The following PCDH9 variants were observed in gnomAD, a reference collection of about 807,000 sequenced individuals.
The protein encoded by PCDH9 is protocadherin 9, also known as protocadherin-9.
A neutral mutation model predicts 70.6 loss-of-function variants in PCDH9; 24 were observed. The ratio of observed to expected loss-of-function variants is 0.34; its 90% CI spans 0.25 to 0.48. The LOEUF is 0.48. PCDH9 is among the 20% of genes least tolerant of loss of function. PCDH9 has a pLI of 0.99. For missense variants in PCDH9, 1,281 were observed against 1,503.6 expected (o/e 0.85, Z 2.45); for synonymous variants, 562 against 558.5 (o/e 1.01, Z -0.09).
intron 2 of PCDH9, among the ~76,000 whole-genome samples, chr13:67,018,821 T>C (rs547770688): frequency 5.3e-5 from 8 of 152,238 alleles, no homozygotes; most frequent in African/African-American, 1.9e-4. Context: ...GACGATTACA[T>C]TTTCTTTCTG....
At chr13:66,524,313 G>T (rs1960123937) in intron 4 of PCDH9, among the ~76,000 whole-genome samples, 1 of 151,532 alleles carries the variant, frequency 6.6e-6, no homozygotes, top group Admixed American at 6.6e-5. Context: ...TTTCTCTTTT[G>T]TTGTTCTTTT....
At position 66,746,583 on chromosome 13, in the gene PCDH9, G is replaced by A. The variant is rs149383906; in HGVS notation, c.3139-115172C>T. Reference sequence around the variant, plus strand: ...TCTGAAAAAGTAAGTAAAAAAATCAGTTGACAGCCTTAAATACTTTGAGAA... The same window carrying A: ...TCTGAAAAAGTAAGTAAAAAAATCAATTGACAGCCTTAAATACTTTGAGAA... On this transcript the variant is annotated intron_variant, in intron 3 of 4. Transcript: ENST00000377865. Among the ~76,000 whole-genome samples the A allele has an allele frequency of 7.3e-4, 111 of 152,182 alleles. 1 individual carries two copies. Among genetic ancestry groups the A allele is most frequent in the African/African-American group, 2.6e-3 (110 of 41,546 alleles).
chr13:66,786,234 T>G (rs892938279), intron 3 of PCDH9, among the ~76,000 whole-genome samples: 3 of 152,180 alleles, frequency 2.0e-5, no homozygotes, highest in African/African-American at 7.2e-5. Context: ...TACAGCCACA[T>G]GCATCAAGGA....
At chr13:67,195,293 C>G (rs2089031743) in intron 2 of PCDH9, among the ~76,000 whole-genome samples, 1 of 151,990 alleles carries the variant, frequency 6.6e-6, no homozygotes, top group Non-Finnish European at 1.5e-5. Context: ...TACAGGCGCC[C>G]TCCACCACGC....
chr13:67,203,679 C>T (rs1462817678), intron 2 of PCDH9: 3 of 152,018 alleles, frequency 2.0e-5, no homozygotes, highest in Non-Finnish European at 4.4e-5. Context: ...AGAAGTCTAC[C>T]TCTTCCAATG....
intron 3 of PCDH9, among the ~76,000 whole-genome samples, chr13:66,652,585 TA>T (rs879799258): frequency 1.0e-3 from 149 of 145,298 alleles, no homozygotes; most frequent in South Asian, 8.5e-3. Context: ...GTTCAATCTG[TA>T]AAAAAAAAAA....
intron 3 of PCDH9, among the ~76,000 whole-genome samples, chr13:66,688,816 C>A (rs2078441560): frequency 6.6e-6 from 1 of 152,090 alleles, no homozygotes; most frequent in Non-Finnish European, 1.5e-5. Flanking sequence ...CATTTCCCTT[C>A]CGAACACCCC....
chr13:66,789,586 C>G (rs2080132245), intron 3 of PCDH9, among the ~76,000 whole-genome samples: 1 of 151,930 alleles, frequency 6.6e-6, no homozygotes, highest in Non-Finnish European at 1.5e-5. Context: ...TACTTTAAGT[C>G]TCTAAAATAG....
chr13:66,672,371 G>A (rs1205329603), intron 3 of PCDH9, among the ~76,000 whole-genome samples: 3 of 152,202 alleles, frequency 2.0e-5, no homozygotes, highest in African/African-American at 7.2e-5. Context: ...TGAGGTTTGG[G>A]AATCTCCATC....
At chr13:66,801,826 T>TA (rs1238354081) in intron 3 of PCDH9, among the ~76,000 whole-genome samples, 4 of 151,960 alleles carry the variant, frequency 2.6e-5, no homozygotes, top group Non-Finnish European at 5.9e-5. Flanking sequence ...TTTAGAACAT[T>TA]AAAAAAATCT....
At chr13:66,649,123 T>C (rs1212610855) in intron 3 of PCDH9, among the ~76,000 whole-genome samples, 2 of 152,008 alleles carry the variant, frequency 1.3e-5, no homozygotes, top group Admixed American at 6.6e-5. Flanking sequence ...GAGGTGGGGT[T>C]TGGGGGAGAA....
intron 2 of PCDH9, among the ~76,000 whole-genome samples, chr13:67,130,791 T>A (rs1042225961): frequency 1.3e-5 from 2 of 152,102 alleles, no homozygotes; most frequent in African/African-American, 2.4e-5. Context: ...CCGATACCTA[T>A]AAGTACCCCT....
chr13:66,851,164 G>A (rs1296582962), intron 3 of PCDH9, among the ~76,000 whole-genome samples: 1 of 152,114 alleles, frequency 6.6e-6, no homozygotes, highest in Non-Finnish European at 1.5e-5. Flanking sequence ...AATACATGCT[G>A]CCCTTAGACA....
At chr13:66,486,671 CTATT>C (rs1958950075) in intron 4 of PCDH9, among the ~76,000 whole-genome samples, 1 of 150,290 alleles carries the variant, frequency 6.7e-6, no homozygotes, top group South Asian at 2.1e-4. Flanking sequence ...TTGAGTTTCA[CTATT>C]TATTTGAGTT....
intron 3 of PCDH9, among the ~76,000 whole-genome samples, chr13:66,709,861 A>G (rs2078768831): frequency 6.6e-6 from 1 of 152,164 alleles, no homozygotes; most frequent in Admixed American, 6.6e-5. Context: ...TTCAAATTTG[A>G]GATCTCCCAT....
intron 4 of PCDH9, among the ~76,000 whole-genome samples, chr13:66,590,109 A>G (rs1327216571): frequency 6.6e-6 from 1 of 152,050 alleles, no homozygotes; most frequent in African/African-American, 2.4e-5. Context: ...AATGGGAAAA[A>G]TACGGAGAAC....
chr13:67,109,270 T>G (rs2086608959), intron 2 of PCDH9, among the ~76,000 whole-genome samples: 1 of 152,232 alleles, frequency 6.6e-6, no homozygotes, highest in Non-Finnish European at 1.5e-5. Context: ...CCCCACTTTA[T>G]GTTCAGACCC....
At chr13:67,055,122 T>A (rs191029171) in intron 2 of PCDH9, among the ~76,000 whole-genome samples, 1 of 152,226 alleles carries the variant, frequency 6.6e-6, no homozygotes, top group South Asian at 2.1e-4. Context: ...GTCACTGAAC[T>A]TTTTTCATTC....
chr13:67,198,358 G>T (rs573974350), intron 2 of PCDH9, among the ~76,000 whole-genome samples: 1 of 151,786 alleles, frequency 6.6e-6, no homozygotes, highest in Non-Finnish European at 1.5e-5. Context: ...ATCCTAAGGA[G>T]TCTCCTTTCA....
Sources: gnomAD v4.1 joint callset for allele counts (sites outside exome capture counted in the v4.1 genomes callset) on GRCh38, gnomAD v4.1.1 for gene constraint, MANE v1.5 for transcripts, NCBI Gene and HGNC (gene_info 2026-07-23, HGNC 2026-07-21) for gene names.